Variants in SARS1 observed in about 807,000 individuals in gnomAD.
The protein encoded by SARS1 is seryl-tRNA synthetase 1.
In SARS1, 25 loss-of-function variants were observed where a neutral mutation model predicts 63.7. The ratio of observed to expected loss-of-function variants is 0.39; its 90% CI spans 0.29 to 0.55. The LOEUF is 0.55. Among genes scored for constraint, SARS1 ranks in the 20% least tolerant of loss-of-function variants. SARS1 has a pLI of 0.62. For missense variants in SARS1, 417 were observed against 649.7 expected, an observed-to-expected ratio of 0.64 and a Z score of 3.89; for synonymous variants, 231 against 243.5, an observed-to-expected ratio of 0.95 and a Z score of 0.48.
rs947985283 is a variant in SARS1 at position 109,214,492 on chromosome 1, C to T, written c.136+364C>T. On this transcript the variant is annotated intron_variant, in intron 1 of 10. Transcript: ENST00000234677. This position sits in a 1 kb window ranked among gnomAD's most constrained non-coding sequence, Gnocchi z 4.6. ...TCCTAACACGAATCTTTGGTCCCCCCCAGTCTTTTTCTCATCTTCAGCAAG... is the reference window on the plus strand; with the variant it reads ...TCCTAACACGAATCTTTGGTCCCCCTCAGTCTTTTTCTCATCTTCAGCAAG... The T allele has an allele frequency of 9.9e-6, 10 of 1,008,532 alleles. No homozygotes were observed. The highest frequency in any genetic ancestry group is 3.4e-5 in the African/African-American group (2 of 58,134). The allele number at this position is 1,008,532 out of a possible 1,614,324, so 62.5% of individuals were successfully genotyped here.
In SARS1 at chr1:109,227,592, T is replaced by C. The variant is rs1655116245; in HGVS notation, c.208-760T>C. Among the ~76,000 whole-genome samples, 4 of 152,252 alleles carry C rather than the reference T, an allele frequency of 2.6e-5. No homozygotes were observed. The South Asian group carries it at 8.3e-4, about 32-fold the overall frequency. ...TTAGCCTCAATGCTGGGATTGTTGT[T>C]AGCAGGTAGATAAGAATCTACACTC... On this transcript the variant is annotated intron_variant, in intron 2 of 10. Coordinates refer to ENST00000234677, the MANE Select transcript of SARS1 (RefSeq NM_006513.4).
chr1:109,235,276 T>C lies in SARS1; in HGVS notation c.814T>C (p.Ser272Pro). 6.2e-7 allele frequency: 1 copy of C among 1,614,070 alleles called. No homozygotes were observed. ...TGATGAGAAGTACCTGATTGCCACC[T>C]CAGAGCAGCCCATTGCTGCCCTGCA... Reference protein sequence around the residue: ...SYDEKYLIATSEQPIAALHRD... With the variant: ...SYDEKYLIATPEQPIAALHRD... The change falls in exon 7 of 11, where the codon TCA becomes CCA. Residue 272 changes from serine to proline, a missense_variant. By Grantham distance (74) the Ser-to-Pro change is moderately conservative. Around this residue, in one of 3 missense-constraint regions of SARS1, gnomAD observed 359 missense variants for 529.6 expected, o/e 0.68. Coordinates refer to ENST00000234677, the MANE Select transcript of SARS1 (RefSeq NM_006513.4). This position sits in a 1 kb window ranked among gnomAD's most constrained non-coding sequence, Gnocchi z 4.7.
At chr1:109,216,778 A>G in intron 1 of SARS1, 1 of 449,408 alleles carries the variant, frequency 2.2e-6, no homozygotes, top group Non-Finnish European at 2.9e-6. Context: ...CAATGCCACC[A>G]TGCCTGGCTA....
Position 109,237,983 on chromosome 1 carries a change from C to A in SARS1, c.*95C>A. The A allele has an allele frequency of 1.4e-6, 2 of 1,400,254 alleles. No individual in the cohort carries two copies. Among genetic ancestry groups the A allele is most frequent in the South Asian group, 1.3e-5 (1 of 76,568 alleles). The allele number at this position is 1,400,254 out of a possible 1,614,324, so 86.7% of individuals were successfully genotyped here. A position where few individuals can be genotyped will look rare whatever the true frequency, so the allele number is the denominator to read the frequency against. ...AGGGAAGCCAAGCACCCATTCATCC[C>A]CCTGCCCCCATCTGACTGCGTAGCT... On this transcript the variant is annotated 3_prime_UTR_variant, in exon 11 of 11. Transcript: ENST00000234677. This position sits in a 1 kb window ranked among gnomAD's most constrained non-coding sequence, Gnocchi z 4.1.
At position 109,235,206 on chromosome 1, in the gene SARS1, A is replaced by G; in HGVS notation, c.748-4A>G. On this transcript the variant is annotated splice_polypyrimidine_tract_variant and splice_region_variant and intron_variant, in intron 6 of 10. Coordinates refer to ENST00000234677, the MANE Select transcript of SARS1 (RefSeq NM_006513.4). This position sits in a 1 kb window ranked among gnomAD's most constrained non-coding sequence, Gnocchi z 4.7. ...TTAACTGGTATAGCTCCTTCCTTCCACAGGTGATTGGCAAAGGCAGTGAAA... is the reference window on the plus strand; with the variant it reads ...TTAACTGGTATAGCTCCTTCCTTCCGCAGGTGATTGGCAAAGGCAGTGAAA... 6.2e-7 allele frequency: 1 copy of G among 1,612,672 alleles called. No homozygotes were observed. The highest frequency in any genetic ancestry group is 8.5e-7 in the Non-Finnish European group (1 of 1,178,670).
Position 109,237,069 on chromosome 1 carries a change from G to C in SARS1, c.1258-175G>C, listed in dbSNP as rs1655326572. 1 of 1,203,506 alleles carries C rather than the reference G, an allele frequency of 8.3e-7. No homozygotes were observed. The highest frequency in any genetic ancestry group is 1.5e-5 in the African/African-American group (1 of 64,876). The allele number at this position is 1,203,506 out of a possible 1,614,324, so 74.6% of individuals were successfully genotyped here. A position where few individuals can be genotyped will look rare whatever the true frequency, so the allele number is the denominator to read the frequency against. On this transcript the variant is annotated intron_variant, in intron 9 of 10. Coordinates refer to ENST00000234677, the MANE Select transcript of SARS1 (RefSeq NM_006513.4). This position sits in a 1 kb window ranked among gnomAD's most constrained non-coding sequence, Gnocchi z 4.1. ...GGGATCTTTCTGCAGTTATCTAATA[G>C]GCAATAAATACCAAATAATTCAAAT...
At chr1:109,227,666 C>T (rs1035082956) in intron 2 of SARS1, among the ~76,000 whole-genome samples, 9 of 151,894 alleles carry the variant, frequency 5.9e-5, no homozygotes, top group Non-Finnish European at 1.5e-5. Context: ...CTTTGGGAGG[C>T]CAAGGTGGGG....
At chr1:109,226,695 TATACACACAC>T (rs1460582459) in intron 2 of SARS1, among the ~76,000 whole-genome samples, 2 of 43,176 alleles carry the variant, frequency 4.6e-5, no homozygotes, top group African/African-American at 6.2e-5. Context: ...TATATATATA[TATACACACAC>T]ACACACACAC....
intron 2 of SARS1, 40 bp from the exon 3 acceptor site, chr1:109,228,312 T>G: frequency 1.4e-6 from 2 of 1,416,308 alleles, no homozygotes; most frequent in Non-Finnish European, 2.0e-6. Flanking sequence ...CCAGAGATTT[T>G]CTTTTATTTA....
chr1:109,235,367 G>A lies in SARS1; in HGVS notation c.905G>A (p.Arg302His). 1 of 1,614,060 alleles carries A rather than the reference G, an allele frequency of 6.2e-7. No individual in the cohort carries two copies. Among genetic ancestry groups the A allele is most frequent in the Non-Finnish European group, 8.5e-7 (1 of 1,180,016 alleles). ...TATGCTGGCCTGTCTACCTGCTTCC[G>A]TCAGGAGGTGGGCTCCCATGGCCGT... Reference protein sequence around the residue: ...IKYAGLSTCFRQEVGSHGRDT... With the variant: ...IKYAGLSTCFHQEVGSHGRDT... Residue 302 changes from arginine (R) to histidine (H), a missense_variant, in exon 7 of 11, where the codon CGT becomes CAT. Transcript: ENST00000234677. This position sits in a 1 kb window ranked among gnomAD's most constrained non-coding sequence, Gnocchi z 4.7.
intron 1 of SARS1, among the ~76,000 whole-genome samples, chr1:109,219,449 T>A (rs1654875443): frequency 6.6e-6 from 1 of 150,548 alleles, no homozygotes; most frequent in Non-Finnish European, 1.5e-5. Context: ...CACCATAAAT[T>A]CCTTTGCCTG....
intron 9 of SARS1, 140 bp downstream of exon 9, chr1:109,236,688 G>T: frequency 6.7e-7 from 1 of 1,486,810 alleles, no homozygotes; most frequent in Admixed American, 2.5e-5. Context: ...AAGGGAATCT[G>T]AAAATGCCTT....
At chr1:109,219,677 T>C (rs932127202) in intron 1 of SARS1, among the ~76,000 whole-genome samples, 4 of 151,810 alleles carry the variant, frequency 2.6e-5, no homozygotes, top group African/African-American at 9.7e-5. Context: ...CATGCCTGGC[T>C]AATTTTTTTT....
Position 109,237,845 on chromosome 1 carries a change from C to T in SARS1, c.1502C>T (p.Thr501Ile), listed in dbSNP as rs746236929. 1 of 1,614,196 alleles carries T rather than the reference C, an allele frequency of 6.2e-7. No individual in the cohort carries two copies. The highest frequency in any genetic ancestry group is 1.1e-5 in the South Asian group (1 of 91,082). The change falls in exon 11 of 11, where the codon ACC becomes ATC. Residue 501 changes from threonine to isoleucine, a missense_variant. By Grantham distance (89) the Thr-to-Ile change is moderately conservative. Coordinates refer to ENST00000234677, the MANE Select transcript of SARS1 (RefSeq NM_006513.4). This position sits in a 1 kb window ranked among gnomAD's most constrained non-coding sequence, Gnocchi z 4.1. ...AAGAAAGCAGCAGCAAGAGACGTCA[C>T]CCTAGAAAACAGGCTGCAGAACATG... ...SKKKAAARDV[T>I]LENRLQNMEV...
Position 109,237,031 on chromosome 1 carries a change from C to A in SARS1, c.1258-213C>A. The A allele has an allele frequency of 8.0e-7, 1 of 1,247,404 alleles. No homozygotes were observed. The highest frequency in any genetic ancestry group is 1.1e-6 in the Non-Finnish European group (1 of 918,834). 77.3% of individuals were successfully genotyped at this position (1,247,404 alleles called of 1,614,324 possible). A position where few individuals can be genotyped will look rare whatever the true frequency, so the allele number is the denominator to read the frequency against. On this transcript the variant is annotated intron_variant, in intron 9 of 10. Transcript: ENST00000234677. The surrounding 1 kb of genome is among the most constrained non-coding windows in gnomAD (Gnocchi z 4.1). ...ATACCAGAAGCTACCACTTGTCACT[C>A]ATCGAAACATGAGGGATCTTTCTGC...
At chr1:109,218,613 C>G (rs1195670389) in intron 1 of SARS1, among the ~76,000 whole-genome samples, 1 of 152,092 alleles carries the variant, frequency 6.6e-6, no homozygotes, top group Non-Finnish European at 1.5e-5. Context: ...CCTTCCTGGC[C>G]TCGCTGTCTA....
In SARS1 at chr1:109,235,444, G is replaced by T; in HGVS notation, c.969+13G>T. The T allele has an allele frequency of 6.2e-7, 1 of 1,602,086 alleles. No homozygotes were observed. The highest frequency in any genetic ancestry group is 8.5e-7 in the Non-Finnish European group (1 of 1,173,370). ...TCAGTTTGAGAAGGTGAGTAGATGGGTCAGGGTAAGGAGTGGAACTTTCTC... is the reference window on the plus strand; with the variant it reads ...TCAGTTTGAGAAGGTGAGTAGATGGTTCAGGGTAAGGAGTGGAACTTTCTC... On this transcript the variant is annotated intron_variant, in intron 7 of 10. Coordinates refer to ENST00000234677, the MANE Select transcript of SARS1 (RefSeq NM_006513.4). The surrounding 1 kb of genome is among the most constrained non-coding windows in gnomAD (Gnocchi z 4.7).
At chr1:109,234,445 T>G (rs1397283487) in intron 6 of SARS1, among the ~76,000 whole-genome samples, 4 of 152,256 alleles carry the variant, frequency 2.6e-5, no homozygotes, top group Non-Finnish European at 5.9e-5. Context: ...CTGAACTTTT[T>G]TTTTTTTGCA....
chr1:109,216,056 C>A (rs1557713273), intron 1 of SARS1: 2 of 985,252 alleles, frequency 2.0e-6, no homozygotes, highest in South Asian at 9.4e-5. Context: ...ATTTGACAAC[C>A]CTTTCCAATA....
Sources: gnomAD v4.1 joint callset for allele counts (sites outside exome capture counted in the v4.1 genomes callset) on GRCh38, gnomAD v4.1.1 for gene constraint, gnomAD v4.1.1 regional missense constraint, Gnocchi (gnomAD v3.1) non-coding constraint, MANE v1.5 for transcripts, NCBI Gene and HGNC (gene_info 2026-07-23, HGNC 2026-07-21) for gene names.